Variants in SLC35D4 observed in about 807,000 individuals in gnomAD.
SLC35D4 encodes the protein UDP-N-acetylglucosamine transporter SLC35D4.
the SLC35D4 span, among the ~76,000 whole-genome samples, chr18:23,343,849 G>C: frequency 6.6e-6 from 1 of 151,228 alleles, no homozygotes; most frequent in Non-Finnish European, 1.5e-5. Context: ...TTTCGCTTGG[G>C]ATAATGGCCT....
the SLC35D4 span, among the ~76,000 whole-genome samples, chr18:23,286,193 C>T: frequency 6.6e-6 from 1 of 152,300 alleles, no homozygotes; most frequent in East Asian, 1.9e-4. Context: ...TTCTGAGTTG[C>T]AATTCCTTGC....
chr18:23,344,644 C>G, the SLC35D4 span, among the ~76,000 whole-genome samples: 5 of 148,202 alleles, frequency 3.4e-5, no homozygotes, highest in Non-Finnish European at 7.4e-5. Context: ...CTCTGTCGCC[C>G]AGGCTGGAGT....
chr18:23,407,672 T>A, the SLC35D4 span, among the ~76,000 whole-genome samples: 1 of 152,164 alleles, frequency 6.6e-6, no homozygotes, highest in Non-Finnish European at 1.5e-5. Context: ...AATTAAATAA[T>A]TTTGAATTAA....
chr18:23,427,446 A>ATACAAATCAC, the SLC35D4 span, among the ~76,000 whole-genome samples: 2 of 152,198 alleles, frequency 1.3e-5, no homozygotes, highest in Non-Finnish European at 2.9e-5. Context: ...CATCAGAGAA[A>ATACAAATCAC]TGCAAATCAA....
chr18:23,367,614 C>A, the SLC35D4 span, among the ~76,000 whole-genome samples: 1 of 152,146 alleles, frequency 6.6e-6, no homozygotes, highest in Non-Finnish European at 1.5e-5. Context: ...GGGGCAAGAA[C>A]CATATTTTAT....
At chr18:23,353,076 A>AGT in the SLC35D4 span, among the ~76,000 whole-genome samples, 9,852 of 126,472 alleles carry the variant, frequency 0.078, 527 homozygotes, top group Admixed American at 0.11. Flanking sequence ...TGAGACAGAC[A>AGT]GTGTGTGTGT....
the SLC35D4 span, among the ~76,000 whole-genome samples, chr18:23,363,564 C>T: frequency 8.6e-5 from 13 of 151,224 alleles, no homozygotes; most frequent in Middle Eastern, 6.8e-3. Flanking sequence ...TTAGTAGAGA[C>T]GGGGTTTCAC....
At chr18:23,360,499 A>G in the SLC35D4 span, among the ~76,000 whole-genome samples, 1 of 152,316 alleles carries the variant, frequency 6.6e-6, no homozygotes, top group South Asian at 2.1e-4. Flanking sequence ...ATCTCTAAAC[A>G]TTGTGCTTCA....
the SLC35D4 span, among the ~76,000 whole-genome samples, chr18:23,435,067 A>G: frequency 1.3e-5 from 2 of 151,022 alleles, no homozygotes; most frequent in Non-Finnish European, 2.9e-5. Context: ...CTGAGGCACT[A>G]GAATCGCTTG....
the SLC35D4 span, chr18:23,368,767 GA>G: frequency 9.1e-6 from 13 of 1,429,564 alleles, no homozygotes; most frequent in East Asian, 2.4e-5. Flanking sequence ...AATGAGAGAG[GA>G]AAAAAAGATA....
the SLC35D4 span, among the ~76,000 whole-genome samples, chr18:23,266,224 C>T: frequency 6.6e-6 from 1 of 152,142 alleles, no homozygotes. Context: ...CAGAGCTAGG[C>T]AGACCGTGCG....
chr18:23,372,740 C>T, the SLC35D4 span, among the ~76,000 whole-genome samples: 4 of 152,148 alleles, frequency 2.6e-5, no homozygotes, highest in Non-Finnish European at 5.9e-5. Context: ...AGCCCTGGCC[C>T]CCCTGTGTGA....
chr18:23,431,588 A>G, the SLC35D4 span, among the ~76,000 whole-genome samples: 1 of 151,756 alleles, frequency 6.6e-6, no homozygotes, highest in Admixed American at 6.6e-5. Context: ...CTAATTCTGC[A>G]TTTTAGGATT....
chr18:23,411,927 C>T, the SLC35D4 span, among the ~76,000 whole-genome samples: 1 of 152,206 alleles, frequency 6.6e-6, no homozygotes, highest in Non-Finnish European at 1.5e-5. Context: ...CAGTTTAGCT[C>T]TTCATGGGTG....
the SLC35D4 span, among the ~76,000 whole-genome samples, chr18:23,414,331 AAGGC>A: frequency 3.0e-4 from 42 of 140,556 alleles, 1 homozygote; most frequent in African/African-American, 4.9e-4. Flanking sequence ...GGAAGGAAGG[AAGGC>A]AGGCAGGCAG....
chr18:23,266,091 G>A, the SLC35D4 span, among the ~76,000 whole-genome samples: 1 of 152,122 alleles, frequency 6.6e-6, no homozygotes, highest in African/African-American at 2.4e-5. Flanking sequence ...GGGAAGCCTG[G>A]GGCCAGAACG....
the SLC35D4 span, among the ~76,000 whole-genome samples, chr18:23,362,759 G>A: frequency 6.6e-6 from 1 of 152,158 alleles, no homozygotes; most frequent in Non-Finnish European, 1.5e-5. Context: ...CATCATCTTG[G>A]TCACATCACT....
the SLC35D4 span, among the ~76,000 whole-genome samples, chr18:23,281,476 C>A: frequency 6.6e-6 from 1 of 152,108 alleles, no homozygotes; most frequent in Non-Finnish European, 1.5e-5. Context: ...GCGTGCACAA[C>A]CACGCCCAAC....
the SLC35D4 span, chr18:23,309,576 A>T: frequency 8.3e-6 from 8 of 963,560 alleles, no homozygotes; most frequent in Middle Eastern, 6.7e-4. Context: ...GGAGATACAC[A>T]GCCAACGCAC....
Sources: gnomAD v4.1 joint callset for allele counts (sites outside exome capture counted in the v4.1 genomes callset) on GRCh38, gnomAD v4.1.1 for gene constraint, MANE v1.5 for transcripts, NCBI Gene and HGNC (gene_info 2026-07-23, HGNC 2026-07-21) for gene names.